The following FTSJ3 variants were observed in gnomAD, a reference collection of about 807,000 sequenced individuals.
FTSJ3 encodes FtsJ RNA 2'-O-methyltransferase 3.
In FTSJ3, 46 loss-of-function variants were observed where a neutral mutation model predicts 111.5. The ratio of observed to expected loss-of-function variants is 0.41; its 90% CI spans 0.33 to 0.53. The LOEUF (loss-of-function observed/expected upper bound fraction) is 0.53. FTSJ3 is among the 20% of genes least tolerant of loss of function. The pLI, the probability that FTSJ3 is intolerant of heterozygous loss-of-function variation, is 0.19. For missense variants in FTSJ3, 1,075 were observed against 1,063.8 expected, an observed-to-expected ratio of 1.01 and a Z score of -0.15; for synonymous variants, 408 against 383.0, an observed-to-expected ratio of 1.07 and a Z score of -0.76.
intron 18 of FTSJ3, 56 bp from the exon 19 acceptor site, chr17:63,820,494 T>G (rs1200927647): frequency 3.8e-6 from 6 of 1,569,164 alleles, no homozygotes; most frequent in Non-Finnish European, 5.2e-6. Flanking sequence ...CTAAAGAAAT[T>G]ACCAGACTGG....
At chr17:63,824,003 T>C (rs758300473) in intron 12 of FTSJ3, 51 bp from the exon 13 acceptor site, 11 of 1,613,766 alleles carry the variant, frequency 6.8e-6, no homozygotes, top group East Asian at 6.7e-5. Flanking sequence ...AAAGTTTCTA[T>C]CCATGCCTTG....
In FTSJ3 at chr17:63,827,418, G is replaced by C. The variant is rs2040120228; in HGVS notation, c.-393C>G. 6.5e-7 allele frequency: 1 copy of C among 1,549,862 alleles called. No homozygotes were observed. Among genetic ancestry groups the C allele is most frequent in the Admixed American group, 2.0e-5 (1 of 50,986 alleles). On this transcript the variant is annotated 5_prime_UTR_variant, in exon 1 of 21. Transcript: ENST00000427159. ...GAATTCTTCTCTGCCTGGTCTTCAG[G>C]TCCCAATCCTCCGCTTCCGCGCTTG... is the stretch of plus-strand genomic sequence containing the variant.
Position 63,819,654 on chromosome 17 carries a change from C to A in FTSJ3, c.*148G>T. On this transcript the variant is annotated 3_prime_UTR_variant, in exon 21 of 21. Transcript: ENST00000427159. ...CATCCTCCTCTCTGCTCAGGACCAC[C>A]ACGGGAGTTCTAGGCACTCCACCTC... The A allele has an allele frequency of 1.4e-6, 1 of 711,826 alleles. No individual in the cohort carries two copies. The highest frequency in any genetic ancestry group is 2.3e-6 in the Non-Finnish European group (1 of 430,424). 44.1% of individuals were successfully genotyped at this position (711,826 alleles called of 1,614,324 possible).
chr17:63,824,527 G>A (rs552249075), intron 10 of FTSJ3, 110 bp downstream of exon 10: 10 of 1,417,812 alleles, frequency 7.1e-6, no homozygotes, highest in African/African-American at 7.0e-5. Context: ...AAAGGCTCAG[G>A]CCCCCATCCC....
In FTSJ3 at chr17:63,824,858, G is replaced by A. The variant is rs769132104; in HGVS notation, c.783C>T (p.Ala261=). 6.2e-7 allele frequency: 1 copy of A among 1,604,620 alleles called. No homozygotes were observed. The highest frequency in any genetic ancestry group is 8.5e-7 in the Non-Finnish European group (1 of 1,174,400). Residue 261 remains alanine, a synonymous_variant, in exon 9 of 21, where the codon GCC becomes GCT. Coordinates refer to ENST00000427159, the MANE Select transcript of FTSJ3 (RefSeq NM_017647.4). The stretch of plus-strand genomic sequence containing the variant: ...CCTTGGAGAGGAAGTCAACAGGGTT[G>A]GCAGCTCGGAGGAAGTCAGTGACTG... ...RTSVTDFLRA[A]NPVDFLSKAS... is the part of the protein sequence containing the mutation.
intron 8 of FTSJ3, 30 bp downstream of exon 8, chr17:63,825,018 C>T: frequency 6.2e-7 from 1 of 1,604,868 alleles, no homozygotes; most frequent in Non-Finnish European, 8.5e-7. Context: ...GTTCCAGGAC[C>T]CAAGAGTGAC....
rs1044501341 is a variant in FTSJ3 at position 63,821,135 on chromosome 17, C to CTT, written c.1887-21_1887-20insAA. The CTT allele has an allele frequency of 9.9e-6, 16 of 1,611,858 alleles. No homozygotes were observed. Among genetic ancestry groups the CTT allele is most frequent in the African/African-American group, 1.3e-5 (1 of 74,890 alleles). On this transcript the variant is annotated intron_variant, in intron 16 of 20. Coordinates refer to ENST00000427159, the MANE Select transcript of FTSJ3 (RefSeq NM_017647.4). Reference sequence around the variant, plus strand: ...TCCCAGCTGTGAAGAGGGGAGGACTCTGAGTGATTCCACCACTCTGTACTA... The same window carrying CTT: ...TCCCAGCTGTGAAGAGGGGAGGACTCTTTGAGTGATTCCACCACTCTGTACTA...
chr17:63,824,628 A>G lies in FTSJ3; in HGVS notation c.917+9T>C, dbSNP rs756313694. On this transcript the variant is annotated intron_variant, in intron 10 of 20. Transcript: ENST00000427159. ...GGCTCCTGGCCCCCGTGCCTACCCC[A>G]CTCCATACCTGAGCTCCTTGCGCCC... The G allele has an allele frequency of 6.2e-7, 1 of 1,607,992 alleles. No homozygotes were observed. The highest frequency in any genetic ancestry group is 1.7e-5 in the Admixed American group (1 of 59,920).
rs1192464712 is a variant in FTSJ3 at position 63,822,023 on chromosome 17, G to C, written c.1436C>G (p.Ala479Gly). 1 of 1,614,078 alleles carries C rather than the reference G, an allele frequency of 6.2e-7. No individual in the cohort carries two copies. Among genetic ancestry groups the C allele is most frequent in the South Asian group, 1.1e-5 (1 of 91,074 alleles). Residue 479 changes from alanine to glycine, a missense_variant, in exon 14 of 21, where the codon GCA becomes GGA. Ala to Gly is a moderately conservative substitution (Grantham distance 60). Around this residue, in one of 2 missense-constraint regions of FTSJ3, gnomAD observed 867 missense variants for 796.9 expected, o/e 1.09. Coordinates refer to ENST00000427159, the MANE Select transcript of FTSJ3 (RefSeq NM_017647.4). ...LDSDLDPEEL[A>G]GVRGHQGLRD... ...TAGACCCTGATGTCCCCTGACTCCT[G>C]CCAGCTCCTCTGGATCCAGGTCACT...
intron 13 of FTSJ3, 69 bp downstream of exon 13, chr17:63,823,748 A>AC: frequency 1.9e-6 from 3 of 1,541,846 alleles, no homozygotes; most frequent in Admixed American, 1.9e-5. Flanking sequence ...GACATTCAAC[A>AC]CCCCCCACCT....
chr17:63,826,556 G>A lies in FTSJ3; in HGVS notation c.173+11C>T, dbSNP rs746647122. On this transcript the variant is annotated intron_variant, in intron 3 of 20. Coordinates refer to ENST00000427159, the MANE Select transcript of FTSJ3 (RefSeq NM_017647.4). ...GGCCACCAGGAGCAACCTGTGGCGAGTGTTACGAACCATCCCCCTGGCGCA... is the reference window on the plus strand; with the variant it reads ...GGCCACCAGGAGCAACCTGTGGCGAATGTTACGAACCATCCCCCTGGCGCA... 4 of 1,606,330 alleles carry A rather than the reference G, an allele frequency of 2.5e-6. No homozygotes were observed. Among genetic ancestry groups the A allele is most frequent in the Non-Finnish European group, 1.7e-6 (2 of 1,173,216 alleles).
Position 63,821,737 on chromosome 17 carries a change from G to A in FTSJ3, c.1582C>T (p.Leu528=). The A allele has an allele frequency of 6.2e-7, 1 of 1,614,200 alleles. No homozygotes were observed. Residue 528 remains leucine, a synonymous_variant, in exon 15 of 21, where the codon CTG becomes TTG. Coordinates refer to ENST00000427159, the MANE Select transcript of FTSJ3 (RefSeq NM_017647.4). ...CCTCTCCTTACCTTTGAGAACCACA[G>A]GTTGGCTTGTTCTTCCTGCAGTACT... ...KAVLQEEQAN[L]WFSKGSFAGI... is the part of the protein sequence containing the mutation.
At position 63,821,644 on chromosome 17, in the gene FTSJ3, C is replaced by T; in HGVS notation, c.1597-1G>A. On this transcript the variant is annotated splice_acceptor_variant, in intron 15 of 20. Transcript: ENST00000427159. LOFTEE classifies it high-confidence loss of function. Reference sequence around the variant, plus strand: ...CGTCCTCGATCCCAGCAAAGCTGCCCTGTGATAGGAGAACATCAGCTGCCC... The same window carrying T: ...CGTCCTCGATCCCAGCAAAGCTGCCTTGTGATAGGAGAACATCAGCTGCCC... 1 of 1,613,346 alleles carries T rather than the reference C, an allele frequency of 6.2e-7. No homozygotes were observed. Among genetic ancestry groups the T allele is most frequent in the Non-Finnish European group, 8.5e-7 (1 of 1,179,380 alleles).
intron 1 of FTSJ3, 31 bp from the exon 2 acceptor site, chr17:63,826,959 C>T: frequency 3.5e-6 from 5 of 1,436,434 alleles, no homozygotes; most frequent in Non-Finnish European, 4.9e-6. Context: ...GGGAACGTCT[C>T]TTTCCGGAGC....
intron 19 of FTSJ3, 37 bp downstream of exon 19, chr17:63,820,215 ACCC>A (rs780838599): frequency 3.9e-6 from 1 of 255,310 alleles, no homozygotes; most frequent in Non-Finnish European, 7.3e-6. Context: ...CCATCCCCCC[ACCC>A]CCACCCCACC....
Position 63,827,177 on chromosome 17 carries a change from A to C in FTSJ3, c.-152T>G. Reference sequence around the variant, plus strand: ...TCCGCCATTTTGAGTGTGGCCCTAGATTGTTCTCAATACTCTGTCCTTGGG... The same window carrying C: ...TCCGCCATTTTGAGTGTGGCCCTAGCTTGTTCTCAATACTCTGTCCTTGGG... On this transcript the variant is annotated 5_prime_UTR_variant, in exon 1 of 21. Coordinates refer to ENST00000427159, the MANE Select transcript of FTSJ3 (RefSeq NM_017647.4). The C allele has an allele frequency of 1.7e-6, 1 of 605,674 alleles. No individual in the cohort carries two copies. The allele number at this position is 605,674 out of a possible 1,614,324, so 37.5% of individuals were successfully genotyped here.
At chr17:63,823,755 A>G in intron 13 of FTSJ3, 62 bp downstream of exon 13, 1 of 1,566,166 alleles carries the variant, frequency 6.4e-7, no homozygotes, top group African/African-American at 1.4e-5. Context: ...AACACCCCCC[A>G]CCTCCAAACA....
Position 63,821,648 on chromosome 17 carries a change from G to C in FTSJ3, c.1597-5C>G. On this transcript the variant is annotated splice_region_variant and splice_polypyrimidine_tract_variant and intron_variant, in intron 15 of 20. Transcript: ENST00000427159. ...CTCGATCCCAGCAAAGCTGCCCTGTGATAGGAGAACATCAGCTGCCCTTCT... is the reference window on the plus strand; with the variant it reads ...CTCGATCCCAGCAAAGCTGCCCTGTCATAGGAGAACATCAGCTGCCCTTCT... The C allele has an allele frequency of 6.2e-7, 1 of 1,613,476 alleles. No homozygotes were observed. Among genetic ancestry groups the C allele is most frequent in the Non-Finnish European group, 8.5e-7 (1 of 1,179,490 alleles).
intron 19 of FTSJ3, 26 bp downstream of exon 19, chr17:63,820,229 C>T (rs1567750992): frequency 1.2e-6 from 2 of 1,608,802 alleles, no homozygotes; most frequent in South Asian, 1.1e-5. Flanking sequence ...CCACCCCACC[C>T]AATCTCTGGA....
Sources: gnomAD v4.1 joint callset for allele counts on GRCh38, gnomAD v4.1.1 for gene constraint, gnomAD v4.1.1 regional missense constraint, MANE v1.5 for transcripts, NCBI Gene and HGNC (gene_info 2026-07-23, HGNC 2026-07-21) for gene names.